ZNF69: variants seen among roughly 807,000 people sequenced by gnomAD.
ZNF69 encodes ZNF3.
In ZNF69, 47 loss-of-function variants were observed where a neutral mutation model predicts 50.9. The ratio of observed to expected loss-of-function variants is 0.92; its 90% CI spans 0.73 to 1.18. ZNF69 has a LOEUF of 1.18. Ranked by LOEUF, ZNF69 falls within the 50% of genes most tolerant of loss-of-function variation. The pLI is 0.00. For missense variants in ZNF69, 717 were observed against 675.1 expected (o/e 1.06, Z -0.69); for synonymous variants, 216 against 223.1 (o/e 0.97, Z 0.29).
chr19:11,926,836 G>C, the ZNF69 span: 1 of 153,176 alleles, frequency 6.5e-6, no homozygotes, highest in Non-Finnish European at 1.5e-5. Flanking sequence ...GAAAGGTCAA[G>C]ATTTCAGTTG....
the ZNF69 span, among the ~76,000 whole-genome samples, chr19:11,974,126 T>TTTCTTTCTTTCCTTTC: frequency 1.8e-5 from 1 of 55,028 alleles, no homozygotes; most frequent in South Asian, 7.2e-4. Flanking sequence ...TCTTTCTTTC[T>TTTCTTTCTTTCCTTTC]TTTCTTTCTT....
chr19:11,914,682 T>G (rs983095720), downstream of ZNF69, among the ~76,000 whole-genome samples: 2 of 152,156 alleles, frequency 1.3e-5, no homozygotes, highest in Non-Finnish European at 2.9e-5. Flanking sequence ...CTTAGAACAA[T>G]TCAGTCACTT....
chr19:11,936,683 T>C, the ZNF69 span, among the ~76,000 whole-genome samples: 19 of 152,212 alleles, frequency 1.2e-4, no homozygotes, highest in African/African-American at 4.6e-4. Context: ...GCAGAAGCTC[T>C]TTAGTTTAAT....
intron 1 of ZNF69, among the ~76,000 whole-genome samples, chr19:11,899,039 A>G (rs1269265909): frequency 1.3e-5 from 2 of 152,120 alleles, no homozygotes; most frequent in African/African-American, 4.8e-5. Context: ...ATCCACCATC[A>G]CAGTCTTATA....
the ZNF69 span, among the ~76,000 whole-genome samples, chr19:11,936,115 C>A: frequency 1.3e-3 from 193 of 152,254 alleles, 1 homozygote; most frequent in African/African-American, 4.6e-3. Flanking sequence ...CATTGGTGGA[C>A]ATTTGGGTTG....
the ZNF69 span, chr19:11,978,888 CGTAGTT>C: frequency 6.2e-7 from 1 of 1,613,378 alleles, no homozygotes; most frequent in Admixed American, 1.7e-5. Flanking sequence ...TAAAGCATTC[CGTAGTT>C]ACAGATCCTA....
the ZNF69 span, among the ~76,000 whole-genome samples, chr19:11,954,320 A>G: frequency 2.3e-3 from 355 of 152,326 alleles, 4 homozygotes; most frequent in African/African-American, 8.0e-3. Flanking sequence ...AGACCTTTTT[A>G]TGCAGATGAA....
chr19:11,976,032 G>A, the ZNF69 span, among the ~76,000 whole-genome samples: 3 of 147,682 alleles, frequency 2.0e-5, no homozygotes, highest in East Asian at 6.1e-4. Flanking sequence ...TTTCTACTTA[G>A]GTGTCTCCCC....
the ZNF69 span, among the ~76,000 whole-genome samples, chr19:11,961,292 C>T: frequency 6.6e-6 from 1 of 152,202 alleles, no homozygotes; most frequent in African/African-American, 2.4e-5. Flanking sequence ...CATCTAGCTG[C>T]AAGCCAGGAA....
At chr19:11,933,776 C>T in the ZNF69 span, among the ~76,000 whole-genome samples, 4 of 143,906 alleles carry the variant, frequency 2.8e-5, no homozygotes, top group Non-Finnish European at 5.9e-5. Context: ...ACCCAGGAGG[C>T]GGAGCTTGCA....
chr19:11,892,743 GCT>G (rs1331750559), intron 1 of ZNF69, among the ~76,000 whole-genome samples: 2 of 152,196 alleles, frequency 1.3e-5, no homozygotes, highest in Non-Finnish European at 2.9e-5. Context: ...GTTCCAGCTG[GCT>G]ATGTGAAAGC....
the ZNF69 span, among the ~76,000 whole-genome samples, chr19:11,963,757 G>A: frequency 4.1e-3 from 625 of 152,110 alleles, 27 homozygotes; most frequent in East Asian, 0.095. Flanking sequence ...CTGCTCTCCC[G>A]GGCTCCGGGC....
chr19:11,905,615 T>G lies in ZNF69; in HGVS notation c.1218T>G (p.His406Gln), dbSNP rs770439164. 3.7e-6 allele frequency: 6 copies of G among 1,613,962 alleles called. No homozygotes were observed. In the South Asian group the frequency reaches 6.6e-5, roughly 18 times the overall value. The change falls in exon 4 of 4, where the codon CAT (histidine) becomes CAG (glutamine). Residue 406 changes from histidine (H) to glutamine (Q), a missense_variant. Transcript: ENST00000429654. ...AFIHSSSLRYHERIHTGEKPY... is the reference protein window; with the variant it reads ...AFIHSSSLRYQERIHTGEKPY... ...TTCATTCCAGTTCCCTTCGTTATCA[T>G]GAAAGGATTCACACTGGAGAGAAAC...
the ZNF69 span, chr19:11,939,890 A>G: frequency 6.6e-6 from 1 of 151,766 alleles, no homozygotes; most frequent in Non-Finnish European, 1.5e-5. Flanking sequence ...ATTCTATTGT[A>G]TTTTGCTTAT....
At chr19:11,932,537 G>A in the ZNF69 span, among the ~76,000 whole-genome samples, 53 of 147,740 alleles carry the variant, frequency 3.6e-4, 8 homozygotes, top group African/African-American at 1.2e-3. Flanking sequence ...TACTGTGAAC[G>A]ATAACTGCCT....
chr19:11,953,997 A>C, the ZNF69 span, among the ~76,000 whole-genome samples: 3 of 152,244 alleles, frequency 2.0e-5, no homozygotes, highest in Non-Finnish European at 4.4e-5. Flanking sequence ...GAAAATGCTC[A>C]TTTTTACGTA....
the ZNF69 span, among the ~76,000 whole-genome samples, chr19:11,969,821 T>C: frequency 3.1e-4 from 47 of 152,320 alleles, no homozygotes; most frequent in African/African-American, 1.1e-3. Context: ...CTCCTCCTTT[T>C]ATCTTTCCTA....
the ZNF69 span, chr19:11,950,107 G>A: frequency 6.2e-7 from 1 of 1,614,114 alleles, no homozygotes; most frequent in South Asian, 1.1e-5. Context: ...TCAAATACAT[G>A]CAAGAACACA....
At chr19:11,909,472 G>T (rs113368406), downstream of ZNF69, among the ~76,000 whole-genome samples, 1,339 of 152,252 alleles carry the variant, frequency 8.8e-3, 10 homozygotes, top group African/African-American at 0.028. Flanking sequence ...TATCCACCAC[G>T]ATCAAGTTGG....
Sources: allele counts gnomAD v4.1 joint callset (sites outside exome capture counted in the v4.1 genomes callset), GRCh38; gene constraint gnomAD v4.1.1; transcripts MANE v1.5; gene names NCBI Gene and HGNC (gene_info 2026-07-23, HGNC 2026-07-21).